The following CHST9 variants were observed in gnomAD, a reference collection of about 807,000 sequenced individuals.
The protein encoded by CHST9 is GalNAc-4-sulfotransferase 2.
In CHST9, 41 loss-of-function variants were observed where a neutral mutation model predicts 44.4. The observed-to-expected ratio is 0.92, with a 90% confidence interval of 0.72 to 1.20. The LOEUF is 1.20. Among genes scored for constraint, CHST9 ranks in the 50% most tolerant of loss-of-function variants. The pLI, the probability that CHST9 is intolerant of heterozygous loss-of-function variation, is 0.00. For missense variants in CHST9, 504 were observed against 516.5 expected (o/e 0.98, Z 0.23); for synonymous variants, 171 against 178.4 (o/e 0.96, Z 0.33).
chr18:26,933,122 C>G (rs553391790), intron 5 of CHST9: 1 of 153,766 alleles, frequency 6.5e-6, no homozygotes, highest in Non-Finnish European at 1.5e-5. Context: ...TGTGAGCCAA[C>G]GTAGGTTGTG....
chr18:26,944,223 T>C (rs1385096962), intron 5 of CHST9, 106 bp downstream of exon 5: 6 of 833,164 alleles, frequency 7.2e-6, no homozygotes, highest in Non-Finnish European at 1.2e-5. Flanking sequence ...TATATATTGC[T>C]CATAACTAAC....
chr18:27,153,564 GTGTA>G (rs1463193323), intron 1 of CHST9, among the ~76,000 whole-genome samples: 4 of 127,900 alleles, frequency 3.1e-5, no homozygotes, highest in African/African-American at 5.8e-5. Context: ...GTGTGTGTGT[GTGTA>G]TGTGTGTGTG....
intron 1 of CHST9, among the ~76,000 whole-genome samples, chr18:27,181,002 G>A (rs2058907541): frequency 1.3e-5 from 2 of 151,934 alleles, no homozygotes; most frequent in Non-Finnish European, 1.5e-5. Context: ...TACACTTTAT[G>A]TAGTGAGCAC....
chr18:26,950,036 T>C (rs960890990), intron 4 of CHST9, among the ~76,000 whole-genome samples: 4 of 152,316 alleles, frequency 2.6e-5, no homozygotes, highest in South Asian at 2.1e-4. Flanking sequence ...ACCTTTAGAA[T>C]TGTAAGATGC....
chr18:27,001,776 G>C (rs1259035931), intron 4 of CHST9, among the ~76,000 whole-genome samples: 1 of 152,162 alleles, frequency 6.6e-6, no homozygotes. Context: ...ACTTATGACA[G>C]AAGTTTGGAC....
chr18:27,031,799 A>G (rs1481186233), intron 3 of CHST9, among the ~76,000 whole-genome samples: 1 of 152,140 alleles, frequency 6.6e-6, no homozygotes, highest in African/African-American at 2.4e-5. Flanking sequence ...ATTCATATAG[A>G]TTCTTCAAGA....
Position 26,915,242 on chromosome 18 carries a change from G to A in CHST9, c.*1017C>T, listed in dbSNP as rs1255481725. On this transcript the variant is annotated 3_prime_UTR_variant, in exon 6 of 6. Coordinates refer to ENST00000618847, the MANE Select transcript of CHST9 (RefSeq NM_031422.6). ...TAGAACATAACCTATCTTTGAAGTG[G>A]TATATTAGTTTTTAAAAAGTCATTC... is the stretch of plus-strand genomic sequence containing the variant. 1 of 343,248 alleles carries A rather than the reference G, an allele frequency of 2.9e-6. No homozygotes were observed. 21.3% of individuals were successfully genotyped at this position (343,248 alleles called of 1,614,324 possible). A position where few individuals can be genotyped will look rare whatever the true frequency, so the allele number is the denominator to read the frequency against.
chr18:27,022,921 T>G (rs2057243122), intron 4 of CHST9, among the ~76,000 whole-genome samples: 2 of 152,230 alleles, frequency 1.3e-5, no homozygotes, highest in African/African-American at 4.8e-5. Context: ...TTTATTTATC[T>G]CTACATCCCT....
intron 4 of CHST9, among the ~76,000 whole-genome samples, chr18:26,987,313 A>T (rs2145201616): frequency 6.6e-6 from 1 of 152,296 alleles, no homozygotes; most frequent in East Asian, 1.9e-4. Context: ...CATGCTTTGC[A>T]GCACAAAAGC....
At chr18:27,052,889 A>G (rs2143577423) in intron 2 of CHST9, among the ~76,000 whole-genome samples, 1 of 152,036 alleles carries the variant, frequency 6.6e-6, no homozygotes, top group African/African-American at 2.4e-5. Context: ...ACAAGGACAC[A>G]GGGAGGGGAA....
chr18:27,060,921 C>T (rs12966721), intron 2 of CHST9, among the ~76,000 whole-genome samples: 50,191 of 152,150 alleles, frequency 0.33, 9,681 homozygotes, highest in Non-Finnish European at 0.45. Context: ...GCCATCACAT[C>T]CAGCTATAGG....
intron 4 of CHST9, among the ~76,000 whole-genome samples, chr18:27,015,799 C>T (rs1331010844): frequency 2.6e-5 from 4 of 152,104 alleles, no homozygotes; most frequent in Non-Finnish European, 5.9e-5. Context: ...CTTCTTGTTT[C>T]TCTGCAATCC....
At position 26,909,739 on chromosome 18, in the gene CHST9, C is replaced by T. The variant is rs2055414367; in HGVS notation, c.*6520G>A. ...GTTATCCCTTCTCCTGTTTTCTCCA[C>T]CTCTCTAAGTATAGAAGTGGGGGGA... is the stretch of plus-strand genomic sequence containing the variant. On this transcript the variant is annotated 3_prime_UTR_variant, in exon 6 of 6. Coordinates refer to ENST00000618847, the MANE Select transcript of CHST9 (RefSeq NM_031422.6). The T allele has an allele frequency of 6.6e-6, 1 of 152,050 alleles. No individual in the cohort carries two copies. Among genetic ancestry groups the T allele is most frequent in the African/African-American group, 2.4e-5 (1 of 41,354 alleles). The allele number at this position is 152,050 out of a possible 1,614,324, so 9.4% of individuals were successfully genotyped here. A position where few individuals can be genotyped will look rare whatever the true frequency, so the allele number is the denominator to read the frequency against.
At chr18:27,184,588 C>T (rs927161211) in intron 1 of CHST9, among the ~76,000 whole-genome samples, 1 of 152,136 alleles carries the variant, frequency 6.6e-6, no homozygotes, top group African/African-American at 2.4e-5. Flanking sequence ...CCACCTCTCC[C>T]GCAGCCTGCG....
rs2055492791 is a variant in CHST9, at chr18:26,914,954, T to C, written c.*1305A>G. On this transcript the variant is annotated 3_prime_UTR_variant, in exon 6 of 6. Transcript: ENST00000618847. ...TTAAAGTAGGTTTCCCATCCAAATG[T>C]TTCCCATCCAAAATGATCCCTTTTT... 5.1e-6 allele frequency: 2 copies of C among 394,784 alleles called. No homozygotes were observed. Among genetic ancestry groups the C allele is most frequent in the Non-Finnish European group, 8.9e-6 (2 of 224,804 alleles). The allele number at this position is 394,784 out of a possible 1,614,324, so 24.5% of individuals were successfully genotyped here. A position where few individuals can be genotyped will look rare whatever the true frequency, so the allele number is the denominator to read the frequency against.
chr18:27,123,977 G>T (rs1167549500), intron 2 of CHST9, among the ~76,000 whole-genome samples: 1 of 152,162 alleles, frequency 6.6e-6, no homozygotes, highest in African/African-American at 2.4e-5. Context: ...ACAGACGTAT[G>T]CCCTTATGAA....
intron 1 of CHST9, among the ~76,000 whole-genome samples, chr18:27,175,792 C>A (rs758945851): frequency 9.2e-5 from 14 of 151,954 alleles, no homozygotes; most frequent in Non-Finnish European, 1.9e-4. Flanking sequence ...GTTAGGAATA[C>A]AAGGACCATC....
At chr18:27,119,531 C>T (rs938997628) in intron 2 of CHST9, among the ~76,000 whole-genome samples, 21 of 152,190 alleles carry the variant, frequency 1.4e-4, no homozygotes, top group Admixed American at 9.8e-4. Context: ...ATTTCTCTAG[C>T]CTGATTACTT....
chr18:27,161,448 T>C (rs1213613349), intron 1 of CHST9, among the ~76,000 whole-genome samples: 1 of 152,230 alleles, frequency 6.6e-6, no homozygotes, highest in Non-Finnish European at 1.5e-5. Flanking sequence ...TCCTGAGTTC[T>C]AGTTTGATTG....
Sources: gnomAD v4.1 joint callset for allele counts (sites outside exome capture counted in the v4.1 genomes callset) on GRCh38, gnomAD v4.1.1 for gene constraint, MANE v1.5 for transcripts, NCBI Gene and HGNC (gene_info 2026-07-23, HGNC 2026-07-21) for gene names.